The following GABRB1 variants were observed in gnomAD, a reference collection of about 807,000 sequenced individuals.
GABRB1 encodes the protein gamma-aminobutyric acid type A receptor subunit beta1.
A neutral mutation model predicts 51.6 loss-of-function variants in GABRB1; 17 were observed. The ratio of observed to expected loss-of-function variants is 0.33; its 90% CI spans 0.23 to 0.49. The LOEUF (loss-of-function observed/expected upper bound fraction) is 0.49. Among genes scored for constraint, GABRB1 ranks in the 20% least tolerant of loss-of-function variants. The probability of loss-of-function intolerance (pLI) is 0.99; values close to 1 mark genes in which losing one functional copy is unlikely to be tolerated. For missense variants in GABRB1, 410 were observed against 600.6 expected, an observed-to-expected ratio of 0.68 and a Z score of 3.32; for synonymous variants, 247 against 218.9, an observed-to-expected ratio of 1.13 and a Z score of -1.14.
chr4:47,251,898 GC>G, intron 4 of GABRB1, among the ~76,000 whole-genome samples: 1 of 152,142 alleles, frequency 6.6e-6, no homozygotes, highest in Non-Finnish European at 1.5e-5. Flanking sequence ...TTGAGAACTT[GC>G]CCCAGGCTAT....
intron 4 of GABRB1, among the ~76,000 whole-genome samples, chr4:47,304,597 A>G (rs968310664): frequency 6.6e-6 from 1 of 151,920 alleles, no homozygotes; most frequent in African/African-American, 2.4e-5. Context: ...ATCTCTGTTG[A>G]TTGTTTTCTA....
chr4:47,150,080 T>G (rs1717357922), intron 3 of GABRB1, among the ~76,000 whole-genome samples: 1 of 151,874 alleles, frequency 6.6e-6, no homozygotes, highest in South Asian at 2.1e-4. Flanking sequence ...CTTATTTTAT[T>G]TACTTTAGCA....
intron 3 of GABRB1, among the ~76,000 whole-genome samples, chr4:47,106,956 C>T (rs1297755982): frequency 6.6e-6 from 1 of 152,042 alleles, no homozygotes; most frequent in Admixed American, 6.6e-5. Context: ...TCCATCTCAC[C>T]ATGGTGATTG....
chr4:47,233,203 A>G (rs533479078), intron 4 of GABRB1, among the ~76,000 whole-genome samples: 99 of 152,138 alleles, frequency 6.5e-4, no homozygotes, highest in African/African-American at 2.1e-3. Flanking sequence ...TGTTTTCATA[A>G]CCTTGGTCTT....
chr4:47,404,671 C>T (rs1728510022), intron 7 of GABRB1, among the ~76,000 whole-genome samples: 1 of 152,296 alleles, frequency 6.6e-6, no homozygotes, highest in Non-Finnish European at 1.5e-5. Context: ...ATAAAGCTCA[C>T]AAAGTCAAGT....
intron 3 of GABRB1, among the ~76,000 whole-genome samples, chr4:47,138,109 C>T (rs1037633335): frequency 1.3e-5 from 2 of 151,964 alleles, no homozygotes; most frequent in African/African-American, 2.4e-5. Flanking sequence ...ACTGATTCTC[C>T]ATGAAACAAA....
chr4:47,224,065 T>G (rs1189954791), intron 4 of GABRB1, among the ~76,000 whole-genome samples: 1 of 152,060 alleles, frequency 6.6e-6, no homozygotes, highest in Non-Finnish European at 1.5e-5. Context: ...TGGCAAGAGT[T>G]TAAAGACTTT....
chr4:47,076,637 G>C (rs745420380), intron 3 of GABRB1, among the ~76,000 whole-genome samples: 3 of 151,834 alleles, frequency 2.0e-5, no homozygotes, highest in Non-Finnish European at 4.4e-5. Context: ...GCCAGCAGCC[G>C]ATTACATGGA....
At chr4:47,395,093 G>A (rs549107735) in intron 5 of GABRB1, among the ~76,000 whole-genome samples, 4 of 152,320 alleles carry the variant, frequency 2.6e-5, no homozygotes, top group African/African-American at 9.6e-5. Flanking sequence ...GCTACCTGAT[G>A]AGCCTAAACC....
intron 3 of GABRB1, among the ~76,000 whole-genome samples, chr4:47,048,186 T>C (rs1179813942): frequency 2.6e-5 from 4 of 152,128 alleles, no homozygotes; most frequent in Admixed American, 2.0e-4. Flanking sequence ...TTAGTATATA[T>C]ACTTGAGGAT....
In GABRB1 at chr4:47,156,448, C is replaced by T. The variant is rs188818128; in HGVS notation, c.241-4801C>T. Among the ~76,000 whole-genome samples the T allele has an allele frequency of 3.3e-3, 500 of 152,114 alleles. 1 individual carries two copies. Among genetic ancestry groups the T allele is most frequent in the African/African-American group, 0.011 (473 of 41,518 alleles). ...TAGTAAGTGAAGGAGCATCTCTGGC[C>T]TCTACTCACAGATGCTAGTAGCACA... On this transcript the variant is annotated intron_variant, in intron 3 of 8. Transcript: ENST00000295454.
At chr4:47,018,704 G>A (rs1271660043) in intron 1 of GABRB1, among the ~76,000 whole-genome samples, 7 of 152,108 alleles carry the variant, frequency 4.6e-5, no homozygotes. Flanking sequence ...AAGAAAATGT[G>A]ACTAAGAAAA....
At chr4:47,270,547 T>A (rs1292623914) in intron 4 of GABRB1, among the ~76,000 whole-genome samples, 1 of 152,208 alleles carries the variant, frequency 6.6e-6, no homozygotes, top group Non-Finnish European at 1.5e-5. Context: ...AAAATTTGAC[T>A]AATCAAGTGC....
intron 5 of GABRB1, among the ~76,000 whole-genome samples, chr4:47,324,713 T>C (rs753390733): frequency 1.3e-5 from 2 of 152,212 alleles, no homozygotes; most frequent in African/African-American, 4.8e-5. Context: ...GAGCCCCAGA[T>C]TGATGTACTA....
At chr4:47,370,176 T>C (rs79881005) in intron 5 of GABRB1, among the ~76,000 whole-genome samples, 1 of 152,186 alleles carries the variant, frequency 6.6e-6, no homozygotes, top group African/African-American at 2.4e-5. Context: ...TTTAAAAAAA[T>C]CTTTCTGCAT....
At chr4:47,177,672 C>T (rs1718758069) in intron 4 of GABRB1, among the ~76,000 whole-genome samples, 1 of 152,076 alleles carries the variant, frequency 6.6e-6, no homozygotes, top group Admixed American at 6.6e-5. Context: ...CAAATGAGAA[C>T]CAGTTCCATT....
At chr4:47,240,334 G>A (rs912008619) in intron 4 of GABRB1, among the ~76,000 whole-genome samples, 1 of 152,062 alleles carries the variant, frequency 6.6e-6, no homozygotes, top group Non-Finnish European at 1.5e-5. Flanking sequence ...CCCTATTTTT[G>A]CCAAAGTTAT....
intron 5 of GABRB1, among the ~76,000 whole-genome samples, chr4:47,400,374 C>G (rs1231318613): frequency 1.3e-5 from 2 of 151,992 alleles, no homozygotes; most frequent in Non-Finnish European, 2.9e-5. Context: ...ACTTGTTTTC[C>G]TTCTCTAGGG....
intron 3 of GABRB1, among the ~76,000 whole-genome samples, chr4:47,073,066 T>C (rs1247669125): frequency 1.2e-4 from 18 of 152,148 alleles, no homozygotes; most frequent in Admixed American, 1.2e-3. Flanking sequence ...ACAGTTAACC[T>C]CAAAGTGTGT....
Sources: gnomAD v4.1 joint callset for allele counts (sites outside exome capture counted in the v4.1 genomes callset) on GRCh38, gnomAD v4.1.1 for gene constraint, MANE v1.5 for transcripts, NCBI Gene and HGNC (gene_info 2026-07-23, HGNC 2026-07-21) for gene names.